Variants in FGF12 observed in about 807,000 individuals in gnomAD.
FGF12 encodes the protein fibroblast growth factor 12.
A neutral mutation model predicts 23.6 loss-of-function variants in FGF12; 14 were observed. The ratio of observed to expected loss-of-function variants is 0.59; its 90% CI spans 0.39 to 0.93. The LOEUF (loss-of-function observed/expected upper bound fraction) is 0.93, where lower values mean the gene tolerates loss of function less well. FGF12 is among the 40% of genes least tolerant of loss of function. The pLI is 0.00. For missense variants in FGF12, 175 were observed against 217.8 expected, an observed-to-expected ratio of 0.80 and a Z score of 1.24; for synonymous variants, 62 against 77.3, an observed-to-expected ratio of 0.80 and a Z score of 1.04.
chr3:192,271,043 C>A (rs543841136), intron 4 of FGF12, among the ~76,000 whole-genome samples: 4 of 152,168 alleles, frequency 2.6e-5, no homozygotes, highest in Admixed American at 2.6e-4. Context: ...AAAAACTGGA[C>A]CAAAATCAAT....
intron 4 of FGF12, among the ~76,000 whole-genome samples, chr3:192,294,960 A>T (rs556539842): frequency 1.3e-5 from 2 of 152,294 alleles, no homozygotes; most frequent in East Asian, 3.9e-4. Flanking sequence ...CCCTAACTTA[A>T]AATAATACCA....
intron 2 of FGF12, among the ~76,000 whole-genome samples, chr3:192,684,085 G>C (rs1717643085): frequency 6.6e-6 from 1 of 152,202 alleles, no homozygotes; most frequent in Non-Finnish European, 1.5e-5. Context: ...TGCTCTCGAT[G>C]CAACATCTTA....
rs184187694 is a variant in FGF12, at chr3:192,710,932, G to A, written c.13+16249C>T. ...GGAAGAGTCTTCTTTGAGGAATCTT[G>A]GAAACGTAAGAGGTAAGACCTAAAG... On this transcript the variant is annotated intron_variant, in intron 2 of 5. Transcript: ENST00000445105. Among the ~76,000 whole-genome samples the A allele has an allele frequency of 3.3e-3, 505 of 152,166 alleles. 3 individuals are homozygous for A. Among genetic ancestry groups the A allele is most frequent in the African/African-American group, 0.012 (495 of 41,516 alleles).
intron 4 of FGF12, among the ~76,000 whole-genome samples, chr3:192,223,452 T>C (rs1718572584): frequency 6.6e-6 from 1 of 152,180 alleles, no homozygotes; most frequent in South Asian, 2.1e-4. Flanking sequence ...CAATTATTTC[T>C]ATTATCAGCT....
chr3:192,393,778 G>A (rs1720404776), intron 2 of FGF12, among the ~76,000 whole-genome samples: 1 of 152,006 alleles, frequency 6.6e-6, no homozygotes, highest in African/African-American at 2.4e-5. Flanking sequence ...TATCACTAAT[G>A]AGCATAAATT....
intron 2 of FGF12, among the ~76,000 whole-genome samples, chr3:192,441,298 T>C (rs1358730338): frequency 6.6e-6 from 1 of 152,202 alleles, no homozygotes; most frequent in Non-Finnish European, 1.5e-5. Context: ...AATAAAGGCA[T>C]GAGCAAATGA....
chr3:192,465,171 TTTC>T (rs1410029948), intron 2 of FGF12, among the ~76,000 whole-genome samples: 1 of 152,226 alleles, frequency 6.6e-6, no homozygotes, highest in African/African-American at 2.4e-5. Context: ...TGCAGAACTT[TTTC>T]TTAAGTTAAA....
At chr3:192,178,788 G>A (rs1273261723) in intron 4 of FGF12, among the ~76,000 whole-genome samples, 1 of 152,176 alleles carries the variant, frequency 6.6e-6, no homozygotes, top group Non-Finnish European at 1.5e-5. Flanking sequence ...ATAAGCCACT[G>A]CGCCAGGTCT....
At chr3:192,482,038 G>A (rs1250250069) in intron 2 of FGF12, among the ~76,000 whole-genome samples, 4 of 152,086 alleles carry the variant, frequency 2.6e-5, no homozygotes, top group African/African-American at 9.7e-5. Flanking sequence ...GGGACTCCTG[G>A]GCCCAATGTT....
chr3:192,382,511 G>T (rs1312185040), intron 2 of FGF12, among the ~76,000 whole-genome samples: 6 of 151,768 alleles, frequency 4.0e-5, no homozygotes, highest in Non-Finnish European at 7.4e-5. Flanking sequence ...TCTTAGTGTG[G>T]TCTTCTCTAT....
rs1333646063 is a variant in FGF12, at chr3:192,727,223, A to G, written c.-30T>C. The G allele has an allele frequency of 3.2e-6, 5 of 1,574,968 alleles. No individual in the cohort carries two copies. Among genetic ancestry groups the G allele is most frequent in the Non-Finnish European group, 4.3e-6 (5 of 1,160,074 alleles). On this transcript the variant is annotated 5_prime_UTR_variant, in exon 2 of 6. Transcript: ENST00000445105. Reference sequence around the variant, plus strand: ...GTCCCTTTCGAGTGCTGGGAAGTTCAATGGAAGTTGGCCGGAAGATGTGGG... The same window carrying G: ...GTCCCTTTCGAGTGCTGGGAAGTTCGATGGAAGTTGGCCGGAAGATGTGGG...
At chr3:192,666,969 C>T (rs1716907767) in intron 2 of FGF12, among the ~76,000 whole-genome samples, 1 of 147,694 alleles carries the variant, frequency 6.8e-6, no homozygotes. Flanking sequence ...ACATAAAGAA[C>T]ATCATAATAT....
chr3:192,696,885 A>G (rs2108726559), intron 2 of FGF12, among the ~76,000 whole-genome samples: 1 of 152,042 alleles, frequency 6.6e-6, no homozygotes, highest in South Asian at 2.1e-4. Context: ...GAGGTAAGGG[A>G]TAGGGAAAAG....
intron 5 of FGF12, among the ~76,000 whole-genome samples, chr3:192,155,071 G>A (rs1251017732): frequency 6.6e-6 from 1 of 151,126 alleles, no homozygotes; most frequent in Non-Finnish European, 1.5e-5. Context: ...GGAGTGACCC[G>A]ATTTTCCAGG....
At chr3:192,319,047 A>G (rs1716390264) in intron 4 of FGF12, among the ~76,000 whole-genome samples, 1 of 152,186 alleles carries the variant, frequency 6.6e-6, no homozygotes, top group Non-Finnish European at 1.5e-5. Flanking sequence ...TAAAGGAAGG[A>G]AAAATGAAGA....
intron 5 of FGF12, among the ~76,000 whole-genome samples, chr3:192,165,536 C>G (rs1715118844): frequency 8.1e-6 from 1 of 123,386 alleles, no homozygotes; most frequent in Non-Finnish European, 1.7e-5. Context: ...TTTTTTTTTG[C>G]TGAGTGGAAA....
At chr3:192,266,456 G>C (rs1179463175) in intron 4 of FGF12, among the ~76,000 whole-genome samples, 2 of 152,016 alleles carry the variant, frequency 1.3e-5, no homozygotes. Flanking sequence ...TGTTATCTAG[G>C]AGGTTCAGTC....
chr3:192,313,461 C>T (rs1178539932), intron 4 of FGF12, among the ~76,000 whole-genome samples: 4 of 152,132 alleles, frequency 2.6e-5, no homozygotes, highest in Admixed American at 1.3e-4. Context: ...CTATTGAAAT[C>T]GAAGAATAAA....
intron 2 of FGF12, among the ~76,000 whole-genome samples, chr3:192,640,243 C>T (rs1390017867): frequency 6.6e-6 from 1 of 152,028 alleles, no homozygotes; most frequent in Non-Finnish European, 1.5e-5. Flanking sequence ...CAACGATGTG[C>T]AATGATGGAT....
Sources: allele counts gnomAD v4.1 joint callset (sites outside exome capture counted in the v4.1 genomes callset), GRCh38; gene constraint gnomAD v4.1.1; transcripts MANE v1.5; gene names NCBI Gene and HGNC (gene_info 2026-07-23, HGNC 2026-07-21).